The following MCF2L variants were observed in gnomAD, a reference collection of about 807,000 sequenced individuals.
MCF2L encodes the protein MCF.2 cell line derived transforming sequence like.
In MCF2L, 97 loss-of-function variants were observed where a neutral mutation model predicts 153.4. That is an observed-to-expected ratio of 0.63 (90% CI 0.54 to 0.75). MCF2L has a LOEUF of 0.75. Ranked by LOEUF, MCF2L falls within the 30% of genes least tolerant of loss-of-function variation. MCF2L has a pLI of 0.00. For missense variants in MCF2L, 1,347 were observed against 1,495.2 expected (o/e 0.90, Z 1.64); for synonymous variants, 659 against 632.2 (o/e 1.04, Z -0.64).
At chr13:113,048,095 G>A (rs938281372) in intron 4 of MCF2L, among the ~76,000 whole-genome samples, 1 of 152,226 alleles carries the variant, frequency 6.6e-6, no homozygotes, top group African/African-American at 2.4e-5. Context: ...TCACCCTACA[G>A]GATAGCGAAG....
rs764616959 is a variant in MCF2L at position 113,090,242 on chromosome 13, C to T, written c.2953+514C>T. ...CGTGTGTGACCATTCGTGCCTCCTT[C>T]GTCACAAGGGCGGCCACGCAAAAGC... On this transcript the variant is annotated intron_variant, in intron 26 of 29. Transcript: ENST00000535094. 51 of 1,407,302 alleles carry T rather than the reference C, an allele frequency of 3.6e-5. 1 individual carries two copies. The highest frequency in any genetic ancestry group is 2.4e-4 in the South Asian group (19 of 80,798). 87.2% of individuals were successfully genotyped at this position (1,407,302 alleles called of 1,614,324 possible). A position where few individuals can be genotyped will look rare whatever the true frequency, so the allele number is the denominator to read the frequency against.
At chr13:112,915,138 G>T (rs947884435) in intron 2 of MCF2L, among the ~76,000 whole-genome samples, 9 of 151,912 alleles carry the variant, frequency 5.9e-5, no homozygotes, top group African/African-American at 2.2e-4. Flanking sequence ...GGCCGGGCGT[G>T]GTGGCTCAAG....
At chr13:112,894,507 G>T (rs550238164) in intron 1 of MCF2L, 1 of 151,844 alleles carries the variant, frequency 6.6e-6, no homozygotes, top group Non-Finnish European at 1.5e-5. Context: ...GGCAGGAAGC[G>T]TCGCGGTCGC....
At position 113,074,528 on chromosome 13, in the gene MCF2L, C is replaced by A. The variant is rs1207383838; in HGVS notation, c.1081C>A (p.Leu361Met). ...GNSLAHVEHL[L>M]RDLASFEEKS... ...CAGCCTGGCGCATGTGGAGCACCTG[C>A]TGAGGGACCTGGCCAGCTTCGAGGA... is the stretch of plus-strand genomic sequence containing the variant. Residue 361 changes from leucine (L) to methionine (M), a missense_variant, in exon 10 of 30, where the codon CTG (leucine) becomes ATG (methionine). By Grantham distance (15) the Leu-to-Met change is conservative (BLOSUM62 2). Around this residue, in one of 3 missense-constraint regions of MCF2L, gnomAD observed 820 missense variants for 921.2 expected, o/e 0.89. Coordinates refer to ENST00000535094, the MANE Select transcript of MCF2L (RefSeq NM_001112732.3). This position sits in a 1 kb window ranked among gnomAD's most constrained non-coding sequence, Gnocchi z 4.2. The A allele has an allele frequency of 6.2e-7, 1 of 1,613,952 alleles. No individual in the cohort carries two copies. The highest frequency in any genetic ancestry group is 1.3e-5 in the African/African-American group (1 of 74,956).
intron 2 of MCF2L, among the ~76,000 whole-genome samples, chr13:112,959,402 C>T (rs372969053): frequency 5.8e-4 from 89 of 152,150 alleles, no homozygotes; most frequent in African/African-American, 2.0e-3. Flanking sequence ...AGAACAAGCG[C>T]GTTCTCCTTA....
chr13:113,015,556 TC>T (rs2084456825), intron 2 of MCF2L, among the ~76,000 whole-genome samples: 3 of 152,060 alleles, frequency 2.0e-5, no homozygotes, highest in South Asian at 4.1e-4. Context: ...CCCTCTGCAT[TC>T]CCGTCAGCAT....
chr13:113,001,672 C>G (rs1014826553), intron 1 of MCF2L: 50 of 1,329,806 alleles, frequency 3.8e-5, no homozygotes, highest in Non-Finnish European at 4.8e-5. Context: ...AACAGTTAAG[C>G]TGCCTGCAGC....
intron 2 of MCF2L, among the ~76,000 whole-genome samples, chr13:112,915,408 C>CAAAA (rs1430821011): frequency 3.1e-4 from 2 of 6,430 alleles, no homozygotes; most frequent in African/African-American, 8.0e-4. Context: ...GACTCTGTCT[C>CAAAA]ACAAAAAAAA....
At chr13:112,940,514 A>G (rs775273797) in intron 2 of MCF2L, among the ~76,000 whole-genome samples, 33 of 152,314 alleles carry the variant, frequency 2.2e-4, no homozygotes, top group Non-Finnish European at 4.3e-4. Flanking sequence ...CCAGCTCCCT[A>G]CCCGCTGCCT....
intron 2 of MCF2L, among the ~76,000 whole-genome samples, chr13:112,954,447 G>T (rs534677323): frequency 6.6e-6 from 1 of 152,234 alleles, no homozygotes; most frequent in Admixed American, 6.5e-5. Flanking sequence ...TTCCCATTGC[G>T]ATGTGGAGGA....
rs377617411 is a variant in MCF2L at position 113,083,988 on chromosome 13, C to G, written c.1992-10C>G. 5.0e-5 allele frequency: 80 copies of G among 1,611,120 alleles called. No homozygotes were observed. In the Admixed American group the frequency reaches 6.8e-4, roughly 14 times the overall value. ...GTCTTTCATACTACTTAAAAACCTT[C>G]TTTGTCTAGGATATTCCTCAGGGAG... On this transcript the variant is annotated splice_polypyrimidine_tract_variant and intron_variant, in intron 17 of 29. Coordinates refer to ENST00000535094, the MANE Select transcript of MCF2L (RefSeq NM_001112732.3).
intron 2 of MCF2L, among the ~76,000 whole-genome samples, chr13:112,937,154 A>G (rs1032713289): frequency 1.3e-5 from 2 of 152,146 alleles, no homozygotes; most frequent in African/African-American, 4.8e-5. Context: ...CCTGGGCTCA[A>G]GCTGTTCTCC....
chr13:112,938,544 C>T (rs2081545449), intron 2 of MCF2L, among the ~76,000 whole-genome samples: 1 of 152,154 alleles, frequency 6.6e-6, no homozygotes, highest in Non-Finnish European at 1.5e-5. Flanking sequence ...AATATGACTG[C>T]GGCAGCATTG....
At chr13:113,095,600 T>C (rs1025705944) in intron 27 of MCF2L, 4 of 995,254 alleles carry the variant, frequency 4.0e-6, no homozygotes, top group South Asian at 9.1e-5. Flanking sequence ...CACCGTCCTC[T>C]TGCTCCAGGC....
At chr13:113,000,642 G>A (rs1296999185) in intron 1 of MCF2L, among the ~76,000 whole-genome samples, 1 of 152,240 alleles carries the variant, frequency 6.6e-6, no homozygotes, top group Non-Finnish European at 1.5e-5. Flanking sequence ...TGGACCTGAG[G>A]GAGCCGAGGT....
At chr13:113,039,473 CTACAT>C (rs1245427916) in intron 3 of MCF2L, among the ~76,000 whole-genome samples, 3 of 152,172 alleles carry the variant, frequency 2.0e-5, no homozygotes, top group African/African-American at 7.2e-5. Context: ...GTAAATTGGG[CTACAT>C]TAAAGTTAAG....
intron 3 of MCF2L, among the ~76,000 whole-genome samples, chr13:113,039,139 G>A (rs879801243): frequency 6.6e-5 from 10 of 152,260 alleles, no homozygotes; most frequent in South Asian, 4.1e-4. Context: ...GATTATAGGC[G>A]TGAGCCACCG....
intron 1 of MCF2L, among the ~76,000 whole-genome samples, chr13:112,898,391 C>G (rs544606650): frequency 6.6e-6 from 1 of 152,152 alleles, no homozygotes; most frequent in African/African-American, 2.4e-5. Flanking sequence ...AACCTGTGTG[C>G]GGAGGAGGCT....
rs2081430882 is a variant in MCF2L, at chr13:112,928,553, T to G, written c.169+26182T>G. On this transcript the variant is annotated intron_variant, in intron 2 of 29. Transcript: ENST00000375608. The stretch of plus-strand genomic sequence containing the variant: ...ATATCTTTCAAATAAATATGGTGCT[T>G]TTTTCCTCCCTTCACCCCCAAAAAA... Among the ~76,000 whole-genome samples, 3 of 152,198 alleles carry G rather than the reference T, an allele frequency of 2.0e-5. No homozygotes were observed. In the South Asian group the frequency reaches 6.2e-4, roughly 32 times the overall value.
Sources: allele counts gnomAD v4.1 joint callset (sites outside exome capture counted in the v4.1 genomes callset), GRCh38; gene constraint gnomAD v4.1.1; regional missense constraint gnomAD v4.1.1; non-coding constraint Gnocchi (gnomAD v3.1); transcripts MANE v1.5; gene names NCBI Gene and HGNC (gene_info 2026-07-23, HGNC 2026-07-21).